KCNMA1: variants seen among roughly 807,000 people sequenced by gnomAD.
KCNMA1 encodes potassium calcium-activated channel subfamily M alpha 1, also known as Calcium-activated potassium channel subunit alpha-1.
Under a neutral mutation model 140.0 loss-of-function variants are expected in KCNMA1, and 29 were observed. The observed-to-expected ratio is 0.21, with a 90% CI of 0.15 to 0.28. KCNMA1 has a LOEUF of 0.28. Ranked by LOEUF, KCNMA1 falls within the 10% of genes least tolerant of loss-of-function variation. The pLI is 1.00. For synonymous variants in KCNMA1, 612 were observed against 611.9 expected (o/e 1.00, Z 0.00); for missense variants, 880 against 1,602.2 (o/e 0.55, Z 7.70).
chr10:76,968,097 G>T (rs368603517), intron 20 of KCNMA1, among the ~76,000 whole-genome samples: 1 of 151,952 alleles, frequency 6.6e-6, no homozygotes, highest in Non-Finnish European at 1.5e-5. Context: ...TCCCCCCAAG[G>T]CTACCTCAAA....
chr10:77,059,922 C>T (rs1410496641), intron 14 of KCNMA1, among the ~76,000 whole-genome samples: 1 of 152,108 alleles, frequency 6.6e-6, no homozygotes, highest in Non-Finnish European at 1.5e-5. Flanking sequence ...CTACATACCA[C>T]CAATGAACAA....
At chr10:77,514,406 A>G (rs2049556376) in intron 1 of KCNMA1, among the ~76,000 whole-genome samples, 1 of 152,168 alleles carries the variant, frequency 6.6e-6, no homozygotes, top group Admixed American at 6.5e-5. Flanking sequence ...GTCACAGCAA[A>G]CTGGCTTGCC....
chr10:77,556,562 A>C (rs1011007392), intron 1 of KCNMA1, among the ~76,000 whole-genome samples: 5 of 151,264 alleles, frequency 3.3e-5, no homozygotes, highest in Admixed American at 3.3e-4. Context: ...AGTCTATGGA[A>C]GTGATGATGA....
chr10:77,534,536 C>T (rs1366877448), intron 1 of KCNMA1, among the ~76,000 whole-genome samples: 1 of 152,184 alleles, frequency 6.6e-6, no homozygotes, highest in African/African-American at 2.4e-5. Context: ...ATAAACATTA[C>T]CACTGAAAAG....
At position 77,108,232 on chromosome 10, in the gene KCNMA1, A is replaced by G; in HGVS notation, c.1223+249T>C. On this transcript the variant is annotated intron_variant, in intron 9 of 27. Transcript: ENST00000286628. This position sits in a 1 kb window ranked among gnomAD's most constrained non-coding sequence, Gnocchi z 4.6. Reference sequence around the variant, plus strand: ...GGGGCAGAATTCAGATGGCACCTCCACAGGGACTCCTGAAAGTCACTCAAC... The same window carrying G: ...GGGGCAGAATTCAGATGGCACCTCCGCAGGGACTCCTGAAAGTCACTCAAC... 2 of 1,355,802 alleles carry G rather than the reference A, an allele frequency of 1.5e-6. No individual in the cohort carries two copies. The highest frequency in any genetic ancestry group is 1.5e-5 in the South Asian group (1 of 65,478). The allele number at this position is 1,355,802 out of a possible 1,614,324, so 84.0% of individuals were successfully genotyped here.
chr10:77,080,665 G>A (rs1195516055), intron 12 of KCNMA1, among the ~76,000 whole-genome samples: 1 of 152,110 alleles, frequency 6.6e-6, no homozygotes, highest in East Asian at 1.9e-4. Flanking sequence ...TGGGGAGTAG[G>A]GGGCCTGGAG....
At chr10:77,295,377 G>A (rs1409288126) in intron 2 of KCNMA1, among the ~76,000 whole-genome samples, 1 of 151,756 alleles carries the variant, frequency 6.6e-6, no homozygotes, top group Admixed American at 6.6e-5. Flanking sequence ...GTGTGAAAGT[G>A]CACCATCATT....
At chr10:76,907,093 G>C (rs1347605532) in intron 25 of KCNMA1, among the ~76,000 whole-genome samples, 4 of 152,184 alleles carry the variant, frequency 2.6e-5, no homozygotes. Context: ...TGGGCCCTTA[G>C]TAAATGATGC....
At chr10:76,944,204 G>A (rs1376859738) in intron 23 of KCNMA1, among the ~76,000 whole-genome samples, 1 of 152,230 alleles carries the variant, frequency 6.6e-6, no homozygotes, top group East Asian at 1.9e-4. Context: ...TAGGGGCAGA[G>A]TAGGAAGGCA....
intron 2 of KCNMA1, among the ~76,000 whole-genome samples, chr10:77,273,825 T>C (rs2065870816): frequency 6.6e-6 from 1 of 152,130 alleles, no homozygotes; most frequent in African/African-American, 2.4e-5. Flanking sequence ...CTGGGCACCA[T>C]TCCCAGCACA....
intron 1 of KCNMA1, among the ~76,000 whole-genome samples, chr10:77,555,086 C>T (rs1053482021): frequency 2.2e-5 from 3 of 134,534 alleles, no homozygotes; most frequent in Non-Finnish European, 3.1e-5. Context: ...CACAGGAAAA[C>T]GCATCAGATG....
At chr10:77,023,462 G>A (rs1342296310) in intron 16 of KCNMA1, among the ~76,000 whole-genome samples, 2 of 152,088 alleles carry the variant, frequency 1.3e-5, no homozygotes, top group African/African-American at 4.8e-5. Context: ...GCTTGATAAC[G>A]TAGTAATTAT....
At chr10:76,965,248 G>C (rs1261151878) in intron 20 of KCNMA1, among the ~76,000 whole-genome samples, 1 of 152,162 alleles carries the variant, frequency 6.6e-6, no homozygotes, top group Non-Finnish European at 1.5e-5. Context: ...AAAACTCTAG[G>C]TCTCAGGACT....
At chr10:77,038,544 TTTA>T (rs1555161505) in intron 15 of KCNMA1, among the ~76,000 whole-genome samples, 1 of 152,030 alleles carries the variant, frequency 6.6e-6, no homozygotes, top group African/African-American at 2.4e-5. Context: ...TCTGAGATTT[TTTA>T]TTATTATTAT....
At chr10:77,289,076 C>T (rs2072171446) in intron 2 of KCNMA1, among the ~76,000 whole-genome samples, 1 of 152,164 alleles carries the variant, frequency 6.6e-6, no homozygotes. Context: ...CAATCCTGGC[C>T]CTAACACAGC....
At chr10:77,025,467 G>A (rs772355887) in intron 16 of KCNMA1, 24 of 1,596,666 alleles carry the variant, frequency 1.5e-5, no homozygotes, top group South Asian at 2.3e-5. Flanking sequence ...TCTGCAAAAC[G>A]ACAAGAAAAG....
chr10:77,517,340 C>G (rs1015106903), intron 1 of KCNMA1, among the ~76,000 whole-genome samples: 1 of 152,160 alleles, frequency 6.6e-6, no homozygotes, highest in Non-Finnish European at 1.5e-5. Context: ...CAAGCTGACA[C>G]GAAGGATGAG....
chr10:77,175,012 A>G (rs2098740332), intron 5 of KCNMA1, among the ~76,000 whole-genome samples: 1 of 152,174 alleles, frequency 6.6e-6, no homozygotes, highest in South Asian at 2.1e-4. Context: ...TTCGAGAACC[A>G]TCCCAGCATA....
chr10:77,635,096 G>GCAGTTAT (rs2093614073), intron 1 of KCNMA1: 1 of 152,190 alleles, frequency 6.6e-6, no homozygotes, highest in Non-Finnish European at 1.5e-5. Context: ...CCACTCAGCA[G>GCAGTTAT]GTCTTGGGGC....
Sources: allele counts gnomAD v4.1 joint callset (sites outside exome capture counted in the v4.1 genomes callset), GRCh38; gene constraint gnomAD v4.1.1; non-coding constraint Gnocchi (gnomAD v3.1); transcripts MANE v1.5; gene names NCBI Gene and HGNC (gene_info 2026-07-23, HGNC 2026-07-21).